The following GALNTL5 variants were observed in gnomAD, a reference collection of about 807,000 sequenced individuals.
GALNTL5 encodes the protein inactive polypeptide N-acetylgalactosaminyltransferase-like protein 5.
In GALNTL5, 44 loss-of-function variants were observed where a neutral mutation model predicts 51.0. The observed-to-expected ratio is 0.86, with a 90% CI of 0.68 to 1.11. The LOEUF (loss-of-function observed/expected upper bound fraction) is 1.11. GALNTL5 is among the 50% of genes least tolerant of loss of function. GALNTL5 has a pLI of 0.00. For synonymous variants in GALNTL5, 192 were observed against 182.8 expected (o/e 1.05, Z -0.41); for missense variants, 528 against 531.8 (o/e 0.99, Z 0.07).
At chr7:151,989,323 T>G (rs2081398873) in intron 5 of GALNTL5, among the ~76,000 whole-genome samples, 1 of 151,728 alleles carries the variant, frequency 6.6e-6, no homozygotes, top group Non-Finnish European at 1.5e-5. Flanking sequence ...GCTAATTTTT[T>G]TGTATTTTTA....
chr7:151,995,218 C>G (rs183995514), intron 5 of GALNTL5: 5 of 152,228 alleles, frequency 3.3e-5, no homozygotes, highest in East Asian at 1.9e-4. Context: ...TGAAGGAAAC[C>G]GCCTGAGATG....
At chr7:152,019,566 C>A (rs1375800221) in intron 8 of GALNTL5, 80 bp from the exon 9 acceptor site, 1 of 1,327,332 alleles carries the variant, frequency 7.5e-7, no homozygotes, top group Non-Finnish European at 1.0e-6. Context: ...AAAATACATG[C>A]GTCTATGTTA....
intron 4 of GALNTL5, among the ~76,000 whole-genome samples, chr7:151,984,513 T>A (rs1386218871): frequency 6.6e-6 from 1 of 152,186 alleles, no homozygotes; most frequent in African/African-American, 2.4e-5. Context: ...GACTCCTGAA[T>A]GTGACTCAAG....
intron 4 of GALNTL5, among the ~76,000 whole-genome samples, chr7:151,986,187 C>T (rs2081357385): frequency 6.6e-6 from 1 of 152,152 alleles, no homozygotes; most frequent in South Asian, 2.1e-4. Context: ...CTAAGACTCT[C>T]GTGGTTCGAT....
At chr7:151,992,787 T>A (rs1586834945) in intron 5 of GALNTL5, among the ~76,000 whole-genome samples, 1 of 152,118 alleles carries the variant, frequency 6.6e-6, no homozygotes, top group East Asian at 1.9e-4. Flanking sequence ...GGGAGTCTTA[T>A]TTTTTTTATT....
intron 2 of GALNTL5, among the ~76,000 whole-genome samples, chr7:151,968,586 C>T (rs564860567): frequency 3.9e-5 from 6 of 152,282 alleles, no homozygotes; most frequent in South Asian, 2.1e-4. Flanking sequence ...TCTTACCACT[C>T]GGATGGTGAG....
At chr7:151,979,891 G>A (rs994823041) in intron 3 of GALNTL5, among the ~76,000 whole-genome samples, 9 of 152,270 alleles carry the variant, frequency 5.9e-5, no homozygotes, top group African/African-American at 2.2e-4. Flanking sequence ...TCAAACTGAA[G>A]GGACGCAGTT....
Position 152,019,843 on chromosome 7 carries a change from T to C in GALNTL5, c.*42T>C. Reference sequence around the variant, plus strand: ...TTTCATTAATAAAGGGTTAAAAGTCTCCTAGTCATTCAACATAGTGTCACA... The same window carrying C: ...TTTCATTAATAAAGGGTTAAAAGTCCCCTAGTCATTCAACATAGTGTCACA... On this transcript the variant is annotated 3_prime_UTR_variant, in exon 9 of 9. Transcript: ENST00000392800. 1.3e-6 allele frequency: 2 copies of C among 1,522,312 alleles called. No homozygotes were observed. The highest frequency in any genetic ancestry group is 1.8e-6 in the Non-Finnish European group (2 of 1,111,918). 94.3% of individuals were successfully genotyped at this position (1,522,312 alleles called of 1,614,324 possible). A position where few individuals can be genotyped will look rare whatever the true frequency, so the allele number is the denominator to read the frequency against.
rs778793827 is a variant in GALNTL5 at position 151,967,201 on chromosome 7, G to C, written c.-39-7G>C. The C allele has an allele frequency of 2.9e-5, 46 of 1,568,138 alleles. No homozygotes were observed. Among genetic ancestry groups the C allele is most frequent in the South Asian group, 1.8e-4 (16 of 88,354 alleles). ...AATGCTGCTCCTCTTAAATCATTCT[G>C]ATTTAGGAAATTGAAAAATGGACCT... On this transcript the variant is annotated splice_polypyrimidine_tract_variant and splice_region_variant and intron_variant, in intron 1 of 8. Transcript: ENST00000392800.
Position 151,982,958 on chromosome 7 carries a change from G to A in GALNTL5, c.369-28G>A, listed in dbSNP as rs756645523. On this transcript the variant is annotated intron_variant, in intron 3 of 8. Transcript: ENST00000392800. ...AACATCCAAGGCATTTAGATGGATG[G>A]TTTTCTTCATATTGCTTCTGCCTGC... 5.6e-6 allele frequency: 9 copies of A among 1,613,708 alleles called. No individual in the cohort carries two copies. The East Asian group carries it at 8.9e-5, about 16-fold the overall frequency.
chr7:152,008,961 A>G (rs2081692773), intron 7 of GALNTL5, among the ~76,000 whole-genome samples: 1 of 152,182 alleles, frequency 6.6e-6, no homozygotes, highest in Non-Finnish European at 1.5e-5. Context: ...TTGGAGAGTC[A>G]GTATATTCCT....
intron 2 of GALNTL5, among the ~76,000 whole-genome samples, chr7:151,968,255 G>A (rs2081084741): frequency 1.3e-5 from 2 of 151,738 alleles, no homozygotes; most frequent in Non-Finnish European, 2.9e-5. Flanking sequence ...GCTATGATTG[G>A]GCCACTATAC....
intron 1 of GALNTL5, among the ~76,000 whole-genome samples, chr7:151,961,174 C>T (rs1391356725): frequency 1.3e-5 from 2 of 152,066 alleles, no homozygotes; most frequent in East Asian, 1.9e-4. Context: ...GCCTGGGTGA[C>T]AGAGTGAGAC....
intron 2 of GALNTL5, among the ~76,000 whole-genome samples, chr7:151,968,698 T>A (rs2081090107): frequency 6.6e-6 from 1 of 152,246 alleles, no homozygotes; most frequent in Non-Finnish European, 1.5e-5. Context: ...AAACAAGTAT[T>A]GGGATGGCCA....
chr7:151,981,522 C>G (rs62479998), intron 3 of GALNTL5, among the ~76,000 whole-genome samples: 27,233 of 151,220 alleles, frequency 0.18, 2,641 homozygotes, highest in African/African-American at 0.24. Context: ...ACATTTGAGT[C>G]AGCTCACAAT....
intron 8 of GALNTL5, among the ~76,000 whole-genome samples, chr7:152,015,059 C>G (rs2081789361): frequency 6.6e-6 from 1 of 152,162 alleles, no homozygotes; most frequent in African/African-American, 2.4e-5. Flanking sequence ...GGATAAAAAA[C>G]TACCTATTGA....
At chr7:151,982,924 A>C (rs1233086470) in intron 3 of GALNTL5, 62 bp from the exon 4 acceptor site, 2 of 1,612,884 alleles carry the variant, frequency 1.2e-6, no homozygotes, top group South Asian at 2.2e-5. Context: ...TGTTTGAACG[A>C]GATGACACAA....
intron 3 of GALNTL5, among the ~76,000 whole-genome samples, chr7:151,980,558 T>TCTC (rs2081265948): frequency 6.6e-6 from 1 of 151,880 alleles, no homozygotes; most frequent in Admixed American, 6.6e-5. Flanking sequence ...GGGCATGACT[T>TCTC]CTCTGTCTTC....
intron 3 of GALNTL5, among the ~76,000 whole-genome samples, chr7:151,980,993 C>T (rs1348525843): frequency 1.3e-5 from 2 of 152,036 alleles, no homozygotes; most frequent in Non-Finnish European, 1.5e-5. Context: ...GATCCGCCCT[C>T]CTCAGCCTCC....
Sources: allele counts gnomAD v4.1 joint callset (sites outside exome capture counted in the v4.1 genomes callset), GRCh38; gene constraint gnomAD v4.1.1; transcripts MANE v1.5; gene names NCBI Gene and HGNC (gene_info 2026-07-23, HGNC 2026-07-21).